The following WARS2 variants were observed in gnomAD, a reference collection of about 807,000 sequenced individuals.
The protein encoded by WARS2 is tryptophanyl tRNA synthetase 2, mitochondrial, also known as tryptophan--tRNA ligase, mitochondrial.
A neutral mutation model predicts 36.5 loss-of-function variants in WARS2; 28 were observed. The ratio of observed to expected loss-of-function variants is 0.77; its 90% CI spans 0.57 to 1.05. The LOEUF is 1.05. Among genes scored for constraint, WARS2 ranks in the 50% least tolerant of loss-of-function variants. WARS2 has a pLI of 0.00. For missense variants in WARS2, 435 were observed against 456.8 expected (o/e 0.95, Z 0.44); for synonymous variants, 174 against 178.4 (o/e 0.98, Z 0.20).
At chr1:119,076,657 A>C (rs1052433430) in intron 1 of WARS2, 50 bp from the exon 2 acceptor site, 5 of 1,605,188 alleles carry the variant, frequency 3.1e-6, no homozygotes, top group Non-Finnish European at 4.3e-6. Flanking sequence ...GAATCCCATG[A>C]ATCCTATGCC....
chr1:119,101,562 C>T (rs987051344), intron 1 of WARS2, among the ~76,000 whole-genome samples: 1 of 152,148 alleles, frequency 6.6e-6, no homozygotes, highest in Non-Finnish European at 1.5e-5. Context: ...CTGTCCCTGT[C>T]CTCATTTTCA....
At chr1:119,109,279 C>A (rs1654459895) in intron 1 of WARS2, among the ~76,000 whole-genome samples, 1 of 151,878 alleles carries the variant, frequency 6.6e-6, no homozygotes, top group South Asian at 2.1e-4. Context: ...TTTCTGCCTG[C>A]TAGATCTCTC....
intron 2 of WARS2, among the ~76,000 whole-genome samples, chr1:119,046,395 C>A (rs1431899365): frequency 6.8e-6 from 1 of 148,126 alleles, no homozygotes; most frequent in Non-Finnish European, 1.5e-5. Flanking sequence ...GTCGCCCAGG[C>A]TGCAGTGCAG....
At position 119,082,676 on chromosome 1, in the gene WARS2, G is replaced by GACACAT. The variant is rs1182663861; in HGVS notation, c.91-6070_91-6069insATGTGT. 9 of 153,272 alleles carry GACACAT rather than the reference G, an allele frequency of 5.9e-5. No homozygotes were observed. The Admixed American group carries it at 5.9e-4, about 10-fold the overall frequency. The allele number at this position is 153,272 out of a possible 1,614,324, so 9.5% of individuals were successfully genotyped here. A position where few individuals can be genotyped will look rare whatever the true frequency, so the allele number is the denominator to read the frequency against. ...CTCTCCCCAACACACTTCTCAGAAG[G>GACACAT]GGAAAGTGTACCATGGAGATGTTAA... On this transcript the variant is annotated intron_variant, in intron 1 of 5. Coordinates refer to ENST00000235521, the MANE Select transcript of WARS2 (RefSeq NM_015836.4).
chr1:119,130,940 T>C (rs778301101), intron 1 of WARS2, among the ~76,000 whole-genome samples: 3 of 152,230 alleles, frequency 2.0e-5, no homozygotes, highest in Non-Finnish European at 4.4e-5. Flanking sequence ...TAGCAGCTTA[T>C]GCTGCACCTG....
chr1:119,062,443 A>G (rs1650462011), intron 2 of WARS2, among the ~76,000 whole-genome samples: 1 of 151,696 alleles, frequency 6.6e-6, no homozygotes, highest in Admixed American at 6.6e-5. Context: ...GCTGTGCAAG[A>G]CTATCTCCTG....
intron 1 of WARS2, among the ~76,000 whole-genome samples, chr1:119,125,937 AT>A (rs1248625423): frequency 6.6e-6 from 1 of 152,186 alleles, no homozygotes; most frequent in Non-Finnish European, 1.5e-5. Context: ...GAATTTCTCC[AT>A]TTTTGAAATC....
chr1:119,046,005 A>ACT (rs151261218), intron 2 of WARS2, among the ~76,000 whole-genome samples: 3,085 of 151,080 alleles, frequency 0.02, 112 homozygotes, highest in African/African-American at 0.071. Context: ...GCACACACAC[A>ACT]CTCTCTCTCT....
At chr1:119,080,556 T>C (rs1173023111) in intron 1 of WARS2, among the ~76,000 whole-genome samples, 2 of 152,120 alleles carry the variant, frequency 1.3e-5, no homozygotes, top group East Asian at 3.8e-4. Context: ...TTCAAGGCGC[T>C]GTTAAAAAAA....
intron 1 of WARS2, among the ~76,000 whole-genome samples, chr1:119,104,234 C>A (rs1487198429): frequency 6.6e-6 from 1 of 151,530 alleles, no homozygotes; most frequent in Admixed American, 6.6e-5. Flanking sequence ...GTAACAAATT[C>A]TTTTTAAACT....
chr1:119,075,868 G>T (rs1651686200), intron 2 of WARS2, among the ~76,000 whole-genome samples: 1 of 150,588 alleles, frequency 6.6e-6, no homozygotes, highest in African/African-American at 2.4e-5. Context: ...CCCAACTTGT[G>T]CTATCAAATC....
chr1:119,032,961 A>C lies in WARS2; in HGVS notation c.1033T>G (p.Leu345Val). The change falls in exon 6 of 6, where the codon TTA becomes GTA. Residue 345 changes from leucine (L) to valine (V), a missense_variant. Leu to Val is a conservative substitution (Grantham distance 32). Transcript: ENST00000235521. ...ACCTCCTGGCACACAGTGTATGCTA[A>C]TTCTTTGGCTTTTGCTGATCCAATT... ...LQIGSAKAKE[L>V]AYTVCQEVKK... The C allele has an allele frequency of 6.2e-7, 1 of 1,614,222 alleles. No homozygotes were observed. The highest frequency in any genetic ancestry group is 1.1e-5 in the South Asian group (1 of 91,082).
chr1:119,107,697 G>GA lies in WARS2; in HGVS notation c.91-31091dup, dbSNP rs587671595. 9.2e-3 allele frequency among the ~76,000 whole-genome samples: 1,275 copies of GA among 138,622 alleles called. 16 individuals are homozygous for GA. The highest frequency in any genetic ancestry group is 0.032 in the African/African-American group (1,216 of 37,542). The allele number at this position is 138,622 out of a possible 152,430, so 90.9% of individuals were successfully genotyped here. A position where few individuals can be genotyped will look rare whatever the true frequency, so the allele number is the denominator to read the frequency against. ...AGAGAGAGAGAGAGAGAGAGAGAGA[G>GA]ATTAGTTAGGATTTCCAGCACAATG... On this transcript the variant is annotated intron_variant, in intron 1 of 5. Coordinates refer to ENST00000235521, the MANE Select transcript of WARS2 (RefSeq NM_015836.4).
chr1:119,056,288 T>C (rs1649803707), intron 2 of WARS2, among the ~76,000 whole-genome samples: 1 of 148,876 alleles, frequency 6.7e-6, no homozygotes, highest in Admixed American at 6.8e-5. Flanking sequence ...CTGCCTGCCA[T>C]GGCCTCCCAA....
chr1:119,045,782 G>T, intron 2 of WARS2, 120 bp from the exon 3 acceptor site: 1 of 793,692 alleles, frequency 1.3e-6, no homozygotes, highest in Non-Finnish European at 2.1e-6. Context: ...GTTATTATAA[G>T]AACAGGTGAA....
chr1:119,129,201 T>C (rs1655911536), intron 1 of WARS2, among the ~76,000 whole-genome samples: 1 of 151,980 alleles, frequency 6.6e-6, no homozygotes, highest in Admixed American at 6.6e-5. Flanking sequence ...TTTTGGGAGG[T>C]GATCAGTGCC....
At chr1:119,134,989 G>C (rs911189520) in intron 1 of WARS2, among the ~76,000 whole-genome samples, 4 of 152,142 alleles carry the variant, frequency 2.6e-5, no homozygotes, top group Admixed American at 2.0e-4. Context: ...CAGCATGTTT[G>C]GCAGCAGTAA....
chr1:119,077,833 C>G (rs1001150471), intron 1 of WARS2, among the ~76,000 whole-genome samples: 16 of 151,824 alleles, frequency 1.1e-4, no homozygotes, highest in Non-Finnish European at 1.9e-4. Flanking sequence ...AGTGAAAAAC[C>G]AAAAATGAGT....
chr1:119,090,081 T>C lies in WARS2; in HGVS notation c.91-13474A>G, dbSNP rs183183757. 8.6e-5 allele frequency among the ~76,000 whole-genome samples: 13 copies of C among 151,826 alleles called. No homozygotes were observed. The East Asian group carries it at 2.5e-3, about 29-fold the overall frequency. ...AACCACCATGGCACACATTTATCTA[T>C]GTAACAACTCTGTATATCCTGCACA... On this transcript the variant is annotated intron_variant, in intron 1 of 5. Transcript: ENST00000235521.
Sources: allele counts gnomAD v4.1 joint callset (sites outside exome capture counted in the v4.1 genomes callset), GRCh38; gene constraint gnomAD v4.1.1; transcripts MANE v1.5; gene names NCBI Gene and HGNC (gene_info 2026-07-23, HGNC 2026-07-21).